Variants in CLEC16A observed in about 807,000 individuals in gnomAD.
CLEC16A encodes the protein C-type lectin domain containing 16A.
Under a neutral mutation model 109.5 loss-of-function variants are expected in CLEC16A, and 51 were observed. The observed-to-expected ratio is 0.47, with a 90% CI of 0.37 to 0.59. The LOEUF (loss-of-function observed/expected upper bound fraction) is 0.59, where lower values mean the gene tolerates loss of function less well. Among genes scored for constraint, CLEC16A ranks in the 20% least tolerant of loss-of-function variants. The probability of loss-of-function intolerance (pLI) is 0.00; values close to 1 mark genes in which losing one functional copy is unlikely to be tolerated. For synonymous variants in CLEC16A, 673 were observed against 564.2 expected (o/e 1.19, Z -2.73); for missense variants, 1,339 against 1,394.0 (o/e 0.96, Z 0.63).
intron 11 of CLEC16A, among the ~76,000 whole-genome samples, chr16:11,014,226 G>A (rs1468611488): frequency 6.6e-6 from 1 of 152,192 alleles, no homozygotes; most frequent in Non-Finnish European, 1.5e-5. Context: ...GGTAGCATAT[G>A]TGTTCCTTCC....
At chr16:11,144,198 C>G (rs961722313) in intron 22 of CLEC16A, among the ~76,000 whole-genome samples, 1 of 152,184 alleles carries the variant, frequency 6.6e-6, no homozygotes. Context: ...GGGAACTGCA[C>G]CCAAATGAGC....
chr16:11,119,614 A>G (rs763609229), intron 19 of CLEC16A, among the ~76,000 whole-genome samples: 2 of 151,678 alleles, frequency 1.3e-5, no homozygotes, highest in African/African-American at 2.4e-5. Context: ...CTAGTCTCCA[A>G]CTCCTGAGCT....
chr16:10,981,797 C>T (rs2043335866), intron 9 of CLEC16A, among the ~76,000 whole-genome samples: 1 of 152,226 alleles, frequency 6.6e-6, no homozygotes, highest in Non-Finnish European at 1.5e-5. Context: ...TATGTCCTAA[C>T]AGAGACATCT....
intron 10 of CLEC16A, among the ~76,000 whole-genome samples, chr16:10,995,713 A>G (rs988786531): frequency 6.6e-6 from 1 of 152,138 alleles, no homozygotes; most frequent in African/African-American, 2.4e-5. Context: ...CAGATGAGGA[A>G]CTGAGGCTCC....
intron 11 of CLEC16A, among the ~76,000 whole-genome samples, chr16:11,013,793 G>T (rs189001715): frequency 3.8e-4 from 57 of 151,992 alleles, no homozygotes; most frequent in African/African-American, 1.3e-3. Context: ...ACAAAAATGA[G>T]CCGGGCATGG....
At chr16:11,115,087 A>T (rs897537698) in intron 19 of CLEC16A, among the ~76,000 whole-genome samples, 1 of 152,162 alleles carries the variant, frequency 6.6e-6, no homozygotes, top group Non-Finnish European at 1.5e-5. Flanking sequence ...GAAGCCCCTC[A>T]GGCAGCCAGG....
chr16:11,166,037 T>C (rs938351474), intron 22 of CLEC16A, among the ~76,000 whole-genome samples: 2 of 152,166 alleles, frequency 1.3e-5, no homozygotes, highest in African/African-American at 2.4e-5. Context: ...CATGAGGGCA[T>C]CTAGCATCCC....
intron 19 of CLEC16A, among the ~76,000 whole-genome samples, chr16:11,078,010 T>TGTGTGTGTGTGTG (rs2049486702): frequency 7.1e-6 from 1 of 140,284 alleles, no homozygotes; most frequent in African/African-American, 2.7e-5. Flanking sequence ...TGTGTGTGTG[T>TGTGTGTGTGTGTG]TTAGAGAAAT....
In CLEC16A at chr16:11,047,340, A is replaced by G. The variant is rs751411424; in HGVS notation, c.1864A>G (p.Thr622Ala). ...GTTTGAAGATGAGTATAGGAGCATG[A>G]CAGTAAGTGAGGGGCTGGGACACAC... ...DMFEDEYRSM[T>A]MKPMNVEYLM... is the part of the protein sequence containing the mutation. The change falls in exon 17 of 24, where the codon ACA becomes GCA. Residue 622 changes from threonine (T) to alanine (A), a missense_variant and splice_region_variant. Thr to Ala is a moderately conservative substitution (Grantham distance 58, BLOSUM62 0). This residue lies in a region of CLEC16A where 1,061 missense variants were observed against 1,006.8 expected (regional missense o/e 1.05). Coordinates refer to ENST00000409790, the MANE Select transcript of CLEC16A (RefSeq NM_015226.3). The G allele has an allele frequency of 4.4e-6, 7 of 1,607,440 alleles. No homozygotes were observed. Among genetic ancestry groups the G allele is most frequent in the Non-Finnish European group, 5.9e-6 (7 of 1,177,100 alleles).
At chr16:10,990,153 G>T (rs1234502173) in intron 10 of CLEC16A, among the ~76,000 whole-genome samples, 1 of 152,208 alleles carries the variant, frequency 6.6e-6, no homozygotes. Context: ...TTGACCCATT[G>T]CAGACATTCC....
At chr16:11,132,707 C>G (rs571008365) in intron 22 of CLEC16A, among the ~76,000 whole-genome samples, 1 of 152,166 alleles carries the variant, frequency 6.6e-6, no homozygotes, top group South Asian at 2.1e-4. Context: ...CTGACACTAT[C>G]CTGCACTAGA....
intron 22 of CLEC16A, 60 bp from the exon 23 acceptor site, chr16:11,166,328 A>T (rs1375505727): frequency 1.6e-5 from 24 of 1,507,260 alleles, no homozygotes; most frequent in Non-Finnish European, 2.1e-5. Flanking sequence ...GAACCATGAC[A>T]TTGAGGCCCT....
intron 10 of CLEC16A, among the ~76,000 whole-genome samples, chr16:11,000,864 G>T (rs539490853): frequency 1.2e-4 from 19 of 152,108 alleles, no homozygotes; most frequent in African/African-American, 4.3e-4. Context: ...GGCAAGGTAC[G>T]GTGTTCCCCA....
intron 20 of CLEC16A, among the ~76,000 whole-genome samples, chr16:11,121,640 G>A (rs1395162335): frequency 6.6e-6 from 1 of 151,710 alleles, no homozygotes; most frequent in Non-Finnish European, 1.5e-5. Context: ...AGCACTTTGA[G>A]GGGCCAAGTC....
chr16:11,160,914 T>C (rs1449802740), intron 22 of CLEC16A, among the ~76,000 whole-genome samples: 3 of 152,152 alleles, frequency 2.0e-5, no homozygotes, highest in African/African-American at 7.2e-5. Flanking sequence ...ATACCCCCTT[T>C]CCTTTTAAAG....
At chr16:11,155,986 G>A (rs911934191) in intron 22 of CLEC16A, among the ~76,000 whole-genome samples, 3 of 152,176 alleles carry the variant, frequency 2.0e-5, no homozygotes, top group African/African-American at 7.2e-5. Flanking sequence ...GTCAGTGTAG[G>A]ATACACACTG....
chr16:10,950,783 A>C (rs1408842662), intron 1 of CLEC16A, among the ~76,000 whole-genome samples: 1 of 152,084 alleles, frequency 6.6e-6, no homozygotes, highest in Non-Finnish European at 1.5e-5. Context: ...TCCCTCTACC[A>C]CACCTGAGAC....
intron 12 of CLEC16A, among the ~76,000 whole-genome samples, chr16:11,023,313 A>C (rs145609239): frequency 2.9e-4 from 44 of 152,324 alleles, no homozygotes; most frequent in African/African-American, 1.0e-3. Flanking sequence ...CCACCCAGCT[A>C]TTGGCATTTG....
intron 3 of CLEC16A, among the ~76,000 whole-genome samples, chr16:10,968,629 A>G (rs2042628995): frequency 6.6e-6 from 1 of 152,210 alleles, no homozygotes; most frequent in African/African-American, 2.4e-5. Context: ...GAGCAGGATC[A>G]TGTGATGGTT....
Sources: allele counts gnomAD v4.1 joint callset (sites outside exome capture counted in the v4.1 genomes callset), GRCh38; gene constraint gnomAD v4.1.1; regional missense constraint gnomAD v4.1.1; transcripts MANE v1.5; gene names NCBI Gene and HGNC (gene_info 2026-07-23, HGNC 2026-07-21).